Variants in DMD observed in about 807,000 individuals in gnomAD.
The protein encoded by DMD is dystrophin.
Under a neutral mutation model 330.1 loss-of-function variants are expected in DMD, and 63 were observed. The observed-to-expected ratio is 0.19, with a 90% CI of 0.16 to 0.24. DMD has a LOEUF of 0.24. DMD is among the 10% of genes least tolerant of loss of function. DMD has a pLI of 1.00. For missense variants in DMD, 3,344 were observed against 2,684.1 expected (o/e 1.25, Z -5.43); for synonymous variants, 1,223 against 959.8 (o/e 1.27, Z -5.07).
chrX:32,018,101 C>A (rs976548634), intron 44 of DMD, among the ~76,000 whole-genome samples: 2 of 111,573 alleles, frequency 1.8e-5, no homozygotes, highest in African/African-American at 6.5e-5. Flanking sequence ...AGCTTAGCTT[C>A]TTCCTGTCTT....
At chrX:31,657,766 G>C (rs113085518) in intron 54 of DMD, among the ~76,000 whole-genome samples, 46 of 111,649 alleles carry the variant, frequency 4.1e-4, no homozygotes, top group African/African-American at 1.4e-3. Flanking sequence ...TTAATCTCTT[G>C]GTTATGTCAC....
intron 1 of DMD, among the ~76,000 whole-genome samples, chrX:33,060,911 T>C (rs1036369596): frequency 1.8e-5 from 2 of 111,549 alleles, no homozygotes; most frequent in Admixed American, 1.9e-4. Flanking sequence ...CTTTGTGACG[T>C]AGGTTCAGAA....
intron 30 of DMD, among the ~76,000 whole-genome samples, chrX:32,402,061 A>G (rs980818120): frequency 3.2e-4 from 36 of 111,943 alleles, no homozygotes; most frequent in Admixed American, 1.3e-3. Flanking sequence ...TTCAGTAAAA[A>G]TGCTTTAGCA....
chrX:31,549,253 C>T (rs1209788198), intron 55 of DMD, among the ~76,000 whole-genome samples: 1 of 109,957 alleles, frequency 9.1e-6, no homozygotes, highest in Non-Finnish European at 1.9e-5. Context: ...TTATCTGACT[C>T]TTCTAAAAGT....
At chrX:32,652,617 A>G (rs998306808) in intron 9 of DMD, among the ~76,000 whole-genome samples, 11 of 111,052 alleles carry the variant, frequency 9.9e-5, no homozygotes, top group Admixed American at 2.9e-4. Context: ...CTGTCTTTAT[A>G]GCAGCATGAT....
chrX:31,140,502 C>T (rs1298118167), intron 76 of DMD, among the ~76,000 whole-genome samples: 2 of 112,018 alleles, frequency 1.8e-5, no homozygotes, highest in African/African-American at 6.5e-5. Context: ...AAAAAGCACA[C>T]TGATGTATCC....
intron 34 of DMD, among the ~76,000 whole-genome samples, chrX:32,379,399 C>T (rs758996235): frequency 9.1e-6 from 1 of 110,407 alleles, no homozygotes; most frequent in Non-Finnish European, 1.9e-5. Context: ...GAGGCTAATG[C>T]AAAAATACCT....
intron 2 of DMD, among the ~76,000 whole-genome samples, chrX:32,935,179 C>A (rs1423111124): frequency 8.9e-6 from 1 of 112,794 alleles, no homozygotes; most frequent in Admixed American, 9.4e-5. Context: ...GGGGTTTCAC[C>A]GTGTTAGCCA....
intron 44 of DMD, among the ~76,000 whole-genome samples, chrX:32,078,096 T>C (rs1047434914): frequency 2.7e-5 from 3 of 111,385 alleles, no homozygotes; most frequent in African/African-American, 9.8e-5. Flanking sequence ...TATATTCAGT[T>C]TCCTAGGGTC....
At chrX:33,332,478 T>C (rs1490217581) in intron 1 of DMD, among the ~76,000 whole-genome samples, 2 of 111,815 alleles carry the variant, frequency 1.8e-5, no homozygotes, top group Admixed American at 1.9e-4. Flanking sequence ...ACACTCATGT[T>C]AACACTGCAA....
At chrX:32,837,506 CCTTGA>C (rs2079756925) in intron 4 of DMD, among the ~76,000 whole-genome samples, 1 of 111,428 alleles carries the variant, frequency 9.0e-6, no homozygotes, top group Non-Finnish European at 1.9e-5. Flanking sequence ...AGCCCTCTCC[CCTTGA>C]CTGCTTAGGT....
intron 1 of DMD, among the ~76,000 whole-genome samples, chrX:33,324,947 T>A (rs1232493208): frequency 8.9e-6 from 1 of 111,757 alleles, no homozygotes; most frequent in Non-Finnish European, 1.9e-5. Context: ...AAGGTCAATA[T>A]GTTCATTTAT....
chrX:31,521,251 C>G (rs182341361), intron 55 of DMD, among the ~76,000 whole-genome samples: 1 of 107,322 alleles, frequency 9.3e-6, no homozygotes, highest in Admixed American at 9.9e-5. Flanking sequence ...CTCTGTCCCC[C>G]TCCTGGGTTC....
intron 61 of DMD, among the ~76,000 whole-genome samples, chrX:31,326,591 T>TA (rs764436608): frequency 0.17 from 8,949 of 54,196 alleles, 920 homozygotes; most frequent in African/African-American, 0.4. Context: ...CTTGACACAA[T>TA]AAAAAAAAAA....
intron 44 of DMD, among the ~76,000 whole-genome samples, chrX:32,182,063 A>T (rs775710901): frequency 8.9e-6 from 1 of 112,301 alleles, no homozygotes; most frequent in African/African-American, 3.2e-5. Context: ...ATGACAGCAC[A>T]CCTAAAATGG....
chrX:32,696,804 A>T (rs2063690651), intron 9 of DMD, among the ~76,000 whole-genome samples: 1 of 111,335 alleles, frequency 9.0e-6, no homozygotes, highest in African/African-American at 3.3e-5. Context: ...TTGAGTCTAG[A>T]GAGTCGATGG....
At chrX:32,702,629 T>C (rs1303674186) in intron 7 of DMD, among the ~76,000 whole-genome samples, 4 of 111,522 alleles carry the variant, frequency 3.6e-5, no homozygotes, top group African/African-American at 1.3e-4. Context: ...TAAAGTAAAT[T>C]CTTTAAGTAC....
chrX:31,648,687 A>C (rs1327875075), intron 54 of DMD, among the ~76,000 whole-genome samples: 2 of 103,468 alleles, frequency 1.9e-5, no homozygotes, highest in East Asian at 6.1e-4. Context: ...CACAACCTAG[A>C]ACTGATTAAA....
chrX:31,566,696 CAT>C (rs1331165838), intron 55 of DMD, among the ~76,000 whole-genome samples: 1 of 111,628 alleles, frequency 9.0e-6, no homozygotes, highest in African/African-American at 3.2e-5. Context: ...GAAGAACTGA[CAT>C]ATTTGCTATG....
Sources: allele counts gnomAD v4.1 joint callset (sites outside exome capture counted in the v4.1 genomes callset), GRCh38; gene constraint gnomAD v4.1.1; transcripts MANE v1.5; gene names NCBI Gene and HGNC (gene_info 2026-07-23, HGNC 2026-07-21).